Variants in GPC5 observed in about 807,000 individuals in gnomAD.
GPC5 encodes glypican 5, also known as glypican-5.
A neutral mutation model predicts 53.9 loss-of-function variants in GPC5; 47 were observed. That is an observed-to-expected ratio of 0.87 (90% CI 0.69 to 1.11). The LOEUF is 1.11. Ranked by LOEUF, GPC5 falls within the 50% of genes most tolerant of loss-of-function variation. The pLI is 0.00. For missense variants in GPC5, 748 were observed against 713.1 expected, an observed-to-expected ratio of 1.05 and a Z score of -0.56; for synonymous variants, 286 against 263.3, an observed-to-expected ratio of 1.09 and a Z score of -0.84.
chr13:92,373,221 T>G (rs912889228), intron 7 of GPC5, among the ~76,000 whole-genome samples: 1 of 152,172 alleles, frequency 6.6e-6, no homozygotes, highest in African/African-American at 2.4e-5. Context: ...CACATTCTAG[T>G]TTTATTATGT....
chr13:91,865,841 A>G (rs774388408), intron 5 of GPC5, among the ~76,000 whole-genome samples: 17 of 151,992 alleles, frequency 1.1e-4, no homozygotes, highest in Non-Finnish European at 2.5e-4. Context: ...TAGATGTCAC[A>G]TCAATTTGAC....
chr13:92,798,918 A>G (rs1876801738), intron 7 of GPC5, among the ~76,000 whole-genome samples: 1 of 151,894 alleles, frequency 6.6e-6, no homozygotes, highest in Non-Finnish European at 1.5e-5. Flanking sequence ...CACCAGTATT[A>G]CAATACGTAA....
At chr13:91,766,441 G>T (rs1301773821) in intron 5 of GPC5, among the ~76,000 whole-genome samples, 2 of 152,162 alleles carry the variant, frequency 1.3e-5, no homozygotes, top group Non-Finnish European at 2.9e-5. Flanking sequence ...AAGCCAATAA[G>T]GCTCAGTGGT....
intron 6 of GPC5, among the ~76,000 whole-genome samples, chr13:92,001,787 A>G (rs1447055956): frequency 1.3e-5 from 2 of 152,178 alleles, no homozygotes; most frequent in East Asian, 3.8e-4. Flanking sequence ...TTCTTATTGC[A>G]ATAAAGAGCA....
At chr13:92,742,613 T>C (rs1889135224) in intron 7 of GPC5, among the ~76,000 whole-genome samples, 1 of 151,952 alleles carries the variant, frequency 6.6e-6, no homozygotes, top group African/African-American at 2.4e-5. Context: ...ATTTTGGCCT[T>C]TGTTGCCATT....
chr13:91,694,019 A>T, intron 3 of GPC5, 138 bp downstream of exon 3: 1 of 721,374 alleles, frequency 1.4e-6, no homozygotes, highest in Non-Finnish European at 2.2e-6. Flanking sequence ...CTTATGATAA[A>T]ATTTTGATTG....
intron 7 of GPC5, among the ~76,000 whole-genome samples, chr13:92,789,072 A>G: frequency 6.6e-6 from 1 of 152,170 alleles, no homozygotes; most frequent in East Asian, 1.9e-4. Flanking sequence ...ATATTTCAAT[A>G]TGGATCCTGC....
In GPC5 at chr13:92,122,276, T is replaced by A. The variant is rs1301566348; in HGVS notation, c.1402-22554T>A. Among the ~76,000 whole-genome samples, 3 of 46,160 alleles carry A rather than the reference T, an allele frequency of 6.5e-5. No individual in the cohort carries two copies. In the East Asian group the frequency reaches 1.3e-3, roughly 20 times the overall value. 30.3% of individuals were successfully genotyped at this position (46,160 alleles called of 152,430 possible). On this transcript the variant is annotated intron_variant, in intron 6 of 7. Transcript: ENST00000377067. ...TTTTATGGGTTTTAAAACACAGCGC[T>A]TTTTTTTTTTTAACTTTTTTTTTAA...
At chr13:91,832,996 G>A (rs180702542) in intron 5 of GPC5, among the ~76,000 whole-genome samples, 60 of 152,082 alleles carry the variant, frequency 3.9e-4, no homozygotes, top group African/African-American at 1.4e-3. Context: ...TAGACCACCA[G>A]CCAGACTAAT....
chr13:92,552,773 G>C (rs980452127), intron 7 of GPC5, among the ~76,000 whole-genome samples: 1 of 151,824 alleles, frequency 6.6e-6, no homozygotes, highest in African/African-American at 2.4e-5. Flanking sequence ...AATTTAACCT[G>C]TTTGAAGTAT....
intron 3 of GPC5, 41 bp from the exon 4 acceptor site, chr13:91,728,491 G>A (rs181533317): frequency 6.3e-7 from 1 of 1,588,700 alleles, no homozygotes. Flanking sequence ...GAAAGGTGGA[G>A]TACGATTTCT....
chr13:92,267,408 AG>A (rs1223913966), intron 7 of GPC5, among the ~76,000 whole-genome samples: 1 of 152,092 alleles, frequency 6.6e-6, no homozygotes, highest in Non-Finnish European at 1.5e-5. Context: ...TTGACTCAGC[AG>A]CCCTCTACAA....
At chr13:92,847,099 T>C (rs1162563690) in intron 7 of GPC5, among the ~76,000 whole-genome samples, 1 of 152,198 alleles carries the variant, frequency 6.6e-6, no homozygotes, top group African/African-American at 2.4e-5. Flanking sequence ...CTCTGGATTT[T>C]ATACTTAGAA....
intron 7 of GPC5, among the ~76,000 whole-genome samples, chr13:92,859,054 G>T (rs1879098347): frequency 6.6e-6 from 1 of 151,964 alleles, no homozygotes; most frequent in South Asian, 2.1e-4. Context: ...AGCCTGGACA[G>T]CAAAGCAAAA....
chr13:92,296,131 C>G (rs962378989), intron 7 of GPC5, among the ~76,000 whole-genome samples: 3 of 152,146 alleles, frequency 2.0e-5, no homozygotes, highest in Non-Finnish European at 2.9e-5. Flanking sequence ...CTGTAGGTCT[C>G]TCAGCCATGT....
intron 2 of GPC5, among the ~76,000 whole-genome samples, chr13:91,654,213 C>G (rs1259183143): frequency 1.3e-5 from 2 of 152,172 alleles, no homozygotes; most frequent in Admixed American, 1.3e-4. Flanking sequence ...TATAAACTTT[C>G]TGTAGGGCAA....
chr13:92,690,640 G>A (rs192597888), intron 7 of GPC5, among the ~76,000 whole-genome samples: 4,979 of 145,246 alleles, frequency 0.034, 102 homozygotes, highest in Middle Eastern at 0.11. Flanking sequence ...GAGGAGAGGC[G>A]CTCTGCGTTT....
intron 7 of GPC5, among the ~76,000 whole-genome samples, chr13:92,302,167 C>T (rs2139199029): frequency 6.6e-6 from 1 of 152,238 alleles, no homozygotes; most frequent in East Asian, 1.9e-4. Flanking sequence ...CATTCCAGAT[C>T]TTGCAAGTGC....
intron 6 of GPC5, among the ~76,000 whole-genome samples, chr13:92,005,644 T>C (rs1031979255): frequency 2.6e-5 from 4 of 152,180 alleles, no homozygotes; most frequent in Non-Finnish European, 5.9e-5. Flanking sequence ...ATTATCCATA[T>C]CTCCCTTCTA....
Sources: gnomAD v4.1 joint callset for allele counts (sites outside exome capture counted in the v4.1 genomes callset) on GRCh38, gnomAD v4.1.1 for gene constraint, MANE v1.5 for transcripts, NCBI Gene and HGNC (gene_info 2026-07-23, HGNC 2026-07-21) for gene names.